Variants in VTI1A observed in about 807,000 individuals in gnomAD.
The protein encoded by VTI1A is vesicle transport through interaction with t-SNAREs 1A.
A neutral mutation model predicts 34.9 loss-of-function variants in VTI1A; 22 were observed. The ratio of observed to expected loss-of-function variants is 0.63; its 90% CI spans 0.45 to 0.90. The LOEUF (loss-of-function observed/expected upper bound fraction) is 0.90, where lower values mean the gene tolerates loss of function less well. Among genes scored for constraint, VTI1A ranks in the 40% least tolerant of loss-of-function variants. The pLI is 0.00. For missense variants in VTI1A, 268 were observed against 275.6 expected (o/e 0.97, Z 0.20); for synonymous variants, 87 against 97.3 (o/e 0.89, Z 0.62).
chr10:112,796,406 A>AG (rs1390303750), intron 7 of VTI1A, among the ~76,000 whole-genome samples: 2 of 69,978 alleles, frequency 2.9e-5, no homozygotes, highest in Admixed American at 2.8e-4. Context: ...ACTCCGTCAA[A>AG]AAAAAAAAAA....
At chr10:112,623,978 T>A (rs1366280346) in intron 5 of VTI1A, among the ~76,000 whole-genome samples, 2 of 152,216 alleles carry the variant, frequency 1.3e-5, no homozygotes, top group Non-Finnish European at 2.9e-5. Flanking sequence ...TGCAAGGGCC[T>A]TCAGCCTCGG....
Position 112,688,365 on chromosome 10 carries a change from C to G in VTI1A, c.560+19367C>G, listed in dbSNP as rs1355095419. ...CTCCTAACACCATAACCTACCCCAT[C>G]TACAATGATCTCTCCCCTCCCTTTT... On this transcript the variant is annotated intron_variant, in intron 7 of 7. Coordinates refer to ENST00000393077, the MANE Select transcript of VTI1A (RefSeq NM_145206.4). Among the ~76,000 whole-genome samples the G allele has an allele frequency of 2.0e-5, 3 of 152,084 alleles. No individual in the cohort carries two copies. In the East Asian group the frequency reaches 5.8e-4, roughly 29 times the overall value.
At chr10:112,698,496 T>G (rs1041288292) in intron 7 of VTI1A, among the ~76,000 whole-genome samples, 1 of 152,204 alleles carries the variant, frequency 6.6e-6, no homozygotes, top group East Asian at 1.9e-4. Flanking sequence ...GCTTCAGTTT[T>G]TTTAAGTTTA....
intron 5 of VTI1A, among the ~76,000 whole-genome samples, chr10:112,605,692 G>A (rs974664183): frequency 2.6e-5 from 4 of 152,088 alleles, no homozygotes; most frequent in African/African-American, 4.8e-5. Flanking sequence ...ACATCCAGCC[G>A]CCTGTGCTTG....
intron 7 of VTI1A, among the ~76,000 whole-genome samples, chr10:112,717,376 C>G (rs34856756): frequency 0.17 from 25,621 of 152,122 alleles, 2,340 homozygotes; most frequent in Middle Eastern, 0.24. Flanking sequence ...GCAGCAGTCT[C>G]TCAGGATTTT....
At chr10:112,629,446 C>T (rs749837395) in intron 5 of VTI1A, among the ~76,000 whole-genome samples, 5 of 152,240 alleles carry the variant, frequency 3.3e-5, no homozygotes, top group Non-Finnish European at 7.3e-5. Flanking sequence ...TAACTGGAGG[C>T]TTATCTGGGA....
chr10:112,468,038 T>C (rs906630044), intron 3 of VTI1A, among the ~76,000 whole-genome samples: 10 of 152,036 alleles, frequency 6.6e-5, no homozygotes, highest in Non-Finnish European at 1.5e-4. Context: ...GAATAGAGAG[T>C]GACCAGCAGG....
At chr10:112,549,080 C>T (rs1340893358) in intron 5 of VTI1A, among the ~76,000 whole-genome samples, 2 of 152,082 alleles carry the variant, frequency 1.3e-5, no homozygotes, top group Non-Finnish European at 1.5e-5. Context: ...TTACATCTGC[C>T]GCCCCCTACC....
chr10:112,701,290 A>G (rs1183146332), intron 7 of VTI1A, among the ~76,000 whole-genome samples: 2 of 152,256 alleles, frequency 1.3e-5, no homozygotes, highest in Non-Finnish European at 2.9e-5. Context: ...GAACAAGATC[A>G]GCCAGGAATA....
intron 3 of VTI1A, 43 bp from the exon 4 acceptor site, chr10:112,527,044 C>G (rs776745426): frequency 4.4e-6 from 7 of 1,597,380 alleles, no homozygotes; most frequent in Non-Finnish European, 6.0e-6. Flanking sequence ...CTTTTACTTT[C>G]TAACGTTCCT....
intron 5 of VTI1A, among the ~76,000 whole-genome samples, chr10:112,544,971 T>C (rs1213699442): frequency 6.6e-6 from 1 of 152,162 alleles, no homozygotes; most frequent in Non-Finnish European, 1.5e-5. Flanking sequence ...CATGGAGGAC[T>C]TTCATCAGGC....
chr10:112,597,651 G>A (rs1362686252), intron 5 of VTI1A, among the ~76,000 whole-genome samples: 22 of 148,900 alleles, frequency 1.5e-4, no homozygotes, highest in Admixed American at 7.4e-4. Flanking sequence ...CCTGTGAATA[G>A]CCATTGCACT....
chr10:112,595,008 A>T (rs1391660931), intron 5 of VTI1A, among the ~76,000 whole-genome samples: 1 of 145,758 alleles, frequency 6.9e-6, no homozygotes, highest in East Asian at 1.9e-4. Context: ...ATAACGCCAC[A>T]TATCTACAAC....
intron 5 of VTI1A, among the ~76,000 whole-genome samples, chr10:112,666,269 A>T (rs1388207856): frequency 6.6e-6 from 1 of 152,204 alleles, no homozygotes; most frequent in African/African-American, 2.4e-5. Context: ...AAGAGGAGCT[A>T]CTATACTGGG....
Position 112,767,658 on chromosome 10 carries a change from CT to C in VTI1A, c.561-47631del, listed in dbSNP as rs1424673109. On this transcript the variant is annotated intron_variant, in intron 7 of 7. Transcript: ENST00000393077. This position sits in a 1 kb window ranked among gnomAD's most constrained non-coding sequence, Gnocchi z 4.0. ...TTTTCAACTAAAGGGTCTTTCCTGC[CT>C]GCCTACCTTATTTCTTCCTTACTCT... Among the ~76,000 whole-genome samples the C allele has an allele frequency of 6.6e-6, 1 of 151,934 alleles. No individual in the cohort carries two copies. Among genetic ancestry groups the C allele is most frequent in the Non-Finnish European group, 1.5e-5 (1 of 67,994 alleles).
At chr10:112,744,755 C>G (rs138339475) in intron 7 of VTI1A, among the ~76,000 whole-genome samples, 1 of 152,276 alleles carries the variant, frequency 6.6e-6, no homozygotes, top group East Asian at 1.9e-4. Flanking sequence ...TACTATTGCA[C>G]TTTCGATGTT....
intron 7 of VTI1A, among the ~76,000 whole-genome samples, chr10:112,761,797 T>TGC (rs1851475164): frequency 6.6e-6 from 1 of 151,416 alleles, no homozygotes; most frequent in Admixed American, 6.6e-5. Flanking sequence ...TGTGTGTGTG[T>TGC]GTATGTATAT....
intron 7 of VTI1A, among the ~76,000 whole-genome samples, chr10:112,735,616 C>T (rs1264896743): frequency 2.0e-5 from 3 of 152,140 alleles, no homozygotes; most frequent in African/African-American, 4.8e-5. Flanking sequence ...CTATACCTCA[C>T]CTTCAAAAAA....
At chr10:112,462,894 G>T (rs959911608) in intron 2 of VTI1A, among the ~76,000 whole-genome samples, 1 of 142,858 alleles carries the variant, frequency 7.0e-6, no homozygotes, top group Non-Finnish European at 1.6e-5. Flanking sequence ...GTTGTTACTG[G>T]TTTTTATTTA....
Sources: allele counts gnomAD v4.1 joint callset (sites outside exome capture counted in the v4.1 genomes callset), GRCh38; gene constraint gnomAD v4.1.1; non-coding constraint Gnocchi (gnomAD v3.1); transcripts MANE v1.5; gene names NCBI Gene and HGNC (gene_info 2026-07-23, HGNC 2026-07-21).